Variants in ANO4 observed in about 807,000 individuals in gnomAD.
ANO4 encodes anoctamin 4.
In ANO4, 69 loss-of-function variants were observed where a neutral mutation model predicts 141.9. The ratio of observed to expected loss-of-function variants is 0.49; its 90% confidence interval spans 0.40 to 0.59. The LOEUF is 0.59. ANO4 is among the 20% of genes least tolerant of loss of function. The probability of loss-of-function intolerance (pLI) is 0.00; values close to 1 mark genes in which losing one functional copy is unlikely to be tolerated. For missense variants in ANO4, 894 were observed against 1,162.2 expected (o/e 0.77, Z 3.36); for synonymous variants, 350 against 394.3 (o/e 0.89, Z 1.33).
intron 14 of ANO4, among the ~76,000 whole-genome samples, chr12:101,058,511 ATTTG>A (rs1453757087): frequency 2.6e-5 from 4 of 152,130 alleles, no homozygotes; most frequent in African/African-American, 9.7e-5. Context: ...ATATTTTTCC[ATTTG>A]TTTGTGTCCT....
At chr12:101,103,221 ATATATAT>A (rs1176377778) in intron 22 of ANO4, among the ~76,000 whole-genome samples, 1 of 107,398 alleles carries the variant, frequency 9.3e-6, no homozygotes, top group African/African-American at 3.5e-5. Context: ...ATATATATAT[ATATATAT>A]ATCTTTTTGT....
intron 1 of ANO4, among the ~76,000 whole-genome samples, chr12:100,724,662 A>G (rs1477415796): frequency 1.3e-5 from 2 of 152,102 alleles, no homozygotes; most frequent in African/African-American, 2.4e-5. Flanking sequence ...TTAGGGAGAG[A>G]CCTCCCAAGC....
At chr12:100,971,137 T>C (rs541767682) in intron 5 of ANO4, among the ~76,000 whole-genome samples, 169 bp from the exon 6 acceptor site, 4 of 152,194 alleles carry the variant, frequency 2.6e-5, no homozygotes, top group African/African-American at 9.7e-5. Flanking sequence ...ACACACACAG[T>C]GGGATGTTTG....
chr12:101,111,756 T>G (rs1473713431), intron 24 of ANO4, 46 bp downstream of exon 24: 12 of 1,503,306 alleles, frequency 8.0e-6, no homozygotes, highest in Non-Finnish European at 1.1e-5. Flanking sequence ...TTCCTAGCCA[T>G]TTTTTGAGGT....
At chr12:100,810,493 T>A (rs1300461924) in intron 1 of ANO4, among the ~76,000 whole-genome samples, 1 of 152,062 alleles carries the variant, frequency 6.6e-6, no homozygotes, top group Non-Finnish European at 1.5e-5. Context: ...TTTAAGAGGA[T>A]CTCACCTGCT....
intron 19 of ANO4, among the ~76,000 whole-genome samples, chr12:101,097,177 G>A (rs1280790514): frequency 1.3e-5 from 2 of 152,112 alleles, no homozygotes; most frequent in East Asian, 3.9e-4. Context: ...CATTTCAGAG[G>A]AGATGGGAAC....
chr12:100,862,989 CCTAA>C (rs1366005413), intron 1 of ANO4, among the ~76,000 whole-genome samples: 1 of 152,038 alleles, frequency 6.6e-6, no homozygotes, highest in African/African-American at 2.4e-5. Context: ...ACAGGAAAAG[CCTAA>C]CTGATAAGGT....
chr12:100,865,669 A>G (rs570555110), intron 1 of ANO4, among the ~76,000 whole-genome samples: 2 of 152,208 alleles, frequency 1.3e-5, no homozygotes, highest in Non-Finnish European at 2.9e-5. Flanking sequence ...TTTGCATTTT[A>G]TTTTACCCTG....
intron 3 of ANO4, among the ~76,000 whole-genome samples, chr12:100,750,584 T>C (rs970588694): frequency 1.3e-5 from 2 of 152,308 alleles, no homozygotes; most frequent in African/African-American, 4.8e-5. Flanking sequence ...CTTTGAAGGA[T>C]AGGAATAATC....
intron 1 of ANO4, among the ~76,000 whole-genome samples, chr12:100,895,808 C>T (rs911313951): frequency 4.6e-5 from 7 of 151,970 alleles, no homozygotes; most frequent in East Asian, 1.9e-4. Flanking sequence ...ATGATCCACC[C>T]GCCTTGGCCT....
chr12:100,882,947 C>T (rs138299510), intron 1 of ANO4, among the ~76,000 whole-genome samples: 5,608 of 152,176 alleles, frequency 0.037, 309 homozygotes, highest in African/African-American at 0.12. Context: ...GTGATCTGTC[C>T]GTCTTGGCCT....
intron 5 of ANO4, among the ~76,000 whole-genome samples, chr12:100,946,203 C>A (rs1217361605): frequency 2.0e-5 from 3 of 152,176 alleles, no homozygotes; most frequent in Admixed American, 1.3e-4. Context: ...ATTACACCAA[C>A]AAGGCAGTGG....
chr12:101,037,256 A>G (rs1408055438), intron 10 of ANO4, 106 bp downstream of exon 10: 1 of 1,241,786 alleles, frequency 8.1e-7, no homozygotes, highest in East Asian at 2.3e-5. Flanking sequence ...CTCAGAATGA[A>G]TTTAATTTGT....
chr12:101,111,761 T>C, intron 24 of ANO4, 51 bp downstream of exon 24: 1 of 1,504,546 alleles, frequency 6.6e-7, no homozygotes, highest in East Asian at 2.4e-5. Flanking sequence ...AGCCATTTTT[T>C]GAGGTTGGAC....
intron 14 of ANO4, among the ~76,000 whole-genome samples, chr12:101,075,873 G>A (rs1593202573): frequency 6.6e-6 from 1 of 152,094 alleles, no homozygotes; most frequent in South Asian, 2.1e-4. Context: ...ATTCAGAGGA[G>A]GGAGTTTAAA....
chr12:100,804,972 C>T (rs964332039), intron 1 of ANO4, among the ~76,000 whole-genome samples: 22 of 152,138 alleles, frequency 1.4e-4, no homozygotes, highest in African/African-American at 3.9e-4. Context: ...CCCATTTGTC[C>T]GTTTTTGCTT....
chr12:100,973,718 A>G (rs547666988), intron 6 of ANO4, among the ~76,000 whole-genome samples: 15 of 152,320 alleles, frequency 9.8e-5, no homozygotes, highest in Admixed American at 9.8e-4. Flanking sequence ...CTTATTAACT[A>G]AAGTCCATAG....
chr12:100,878,910 C>A (rs1198213437), intron 1 of ANO4, among the ~76,000 whole-genome samples: 1 of 152,120 alleles, frequency 6.6e-6, no homozygotes, highest in African/African-American at 2.4e-5. Context: ...GCCTTCAGAT[C>A]TCAAAAAGGT....
intron 2 of ANO4, among the ~76,000 whole-genome samples, chr12:100,912,417 G>GAAAAAAGA (rs2041147732): frequency 8.3e-6 from 1 of 121,012 alleles, no homozygotes; most frequent in Non-Finnish European, 1.7e-5. Flanking sequence ...AAAGAAAAAA[G>GAAAAAAGA]AAAAAAAAAA....
Sources: gnomAD v4.1 joint callset for allele counts (sites outside exome capture counted in the v4.1 genomes callset) on GRCh38, gnomAD v4.1.1 for gene constraint, MANE v1.5 for transcripts, NCBI Gene and HGNC (gene_info 2026-07-23, HGNC 2026-07-21) for gene names.